Variants in RFX4 observed in about 807,000 individuals in gnomAD.
The protein encoded by RFX4 is transcription factor RFX4.
Under a neutral mutation model 95.0 loss-of-function variants are expected in RFX4, and 10 were observed. The observed-to-expected ratio is 0.11, with a 90% CI of 0.06 to 0.18. The LOEUF is 0.18. RFX4 is among the 10% of genes least tolerant of loss of function. The probability of loss-of-function intolerance (pLI) is 1.00; values close to 1 mark genes in which losing one functional copy is unlikely to be tolerated. For missense variants in RFX4, 640 were observed against 922.0 expected, an observed-to-expected ratio of 0.69 and a Z score of 3.96; for synonymous variants, 321 against 340.7, an observed-to-expected ratio of 0.94 and a Z score of 0.64.
chr12:106,687,196 A>T (rs879538753), intron 6 of RFX4, 99 bp downstream of exon 6: 9,122 of 658,606 alleles, frequency 0.014, 50 homozygotes, highest in African/African-American at 0.041. Context: ...ACACACACAC[A>T]CACACACACA....
chr12:106,589,849 C>G (rs1381575974), intron 1 of RFX4, among the ~76,000 whole-genome samples: 1 of 152,164 alleles, frequency 6.6e-6, no homozygotes, highest in African/African-American at 2.4e-5. Context: ...TAAATGGTGG[C>G]AGCAATGGGA....
chr12:106,616,338 T>C (rs1017230885), intron 2 of RFX4, among the ~76,000 whole-genome samples: 1 of 152,320 alleles, frequency 6.6e-6, no homozygotes, highest in South Asian at 2.1e-4. Context: ...CTTTTTTATA[T>C]ACTTCTGGGT....
chr12:106,710,408 A>C (rs1242508901), intron 9 of RFX4, among the ~76,000 whole-genome samples: 3 of 152,190 alleles, frequency 2.0e-5, no homozygotes, highest in African/African-American at 7.2e-5. Flanking sequence ...AGTTAAAGAA[A>C]AAGTAATTAA....
In RFX4 at chr12:106,701,536, C is replaced by T. The variant is rs187497829; in HGVS notation, c.833+5090C>T. Among the ~76,000 whole-genome samples, 6 of 152,204 alleles carry T rather than the reference C, an allele frequency of 3.9e-5. No individual in the cohort carries two copies. In the East Asian group the frequency reaches 5.8e-4, roughly 15 times the overall value. ...CCATTTGATACTGTCCCACAACTCC[C>T]GGATGCTTGATTTTGCTTTTTCTCT... On this transcript the variant is annotated intron_variant, in intron 8 of 17. Coordinates refer to ENST00000392842, the MANE Select transcript of RFX4 (RefSeq NM_213594.3).
chr12:106,727,699 A>C lies in RFX4; in HGVS notation c.1352-4431A>C, dbSNP rs1013596922. Among the ~76,000 whole-genome samples, 9 of 151,892 alleles carry C rather than the reference A, an allele frequency of 5.9e-5. No homozygotes were observed. The South Asian group carries it at 1.0e-3, about 18-fold the overall frequency. On this transcript the variant is annotated intron_variant, in intron 13 of 17. Coordinates refer to ENST00000392842, the MANE Select transcript of RFX4 (RefSeq NM_213594.3). ...CAATGGCACGACCTCAGCTCACTGC[A>C]ACCTCCGCCTCCTGGGTTCAAACCA...
At chr12:106,664,633 G>A (rs2041138443) in intron 4 of RFX4, among the ~76,000 whole-genome samples, 1 of 151,614 alleles carries the variant, frequency 6.6e-6, no homozygotes, top group African/African-American at 2.4e-5. Context: ...TCCTAAGGTG[G>A]AAACTTAGAT....
intron 1 of RFX4, among the ~76,000 whole-genome samples, chr12:106,589,891 T>A (rs1411884645): frequency 2.0e-5 from 3 of 152,224 alleles, no homozygotes; most frequent in East Asian, 3.8e-4. Flanking sequence ...AGTAGAGATT[T>A]GGGGCACAGA....
At chr12:106,682,514 T>G (rs1313105473) in intron 5 of RFX4, 1 of 157,604 alleles carries the variant, frequency 6.3e-6, no homozygotes, top group Non-Finnish European at 1.4e-5. Flanking sequence ...GTTCACGGCT[T>G]CCCATTCATC....
At chr12:106,641,973 ATATC>A (rs1287241660) in intron 3 of RFX4, among the ~76,000 whole-genome samples, 5 of 108,460 alleles carry the variant, frequency 4.6e-5, no homozygotes, top group African/African-American at 2.0e-4. Context: ...ATATCTATCT[ATATC>A]TATATCTATA....
chr12:106,728,966 C>G (rs866775352), intron 13 of RFX4, among the ~76,000 whole-genome samples: 1 of 152,114 alleles, frequency 6.6e-6, no homozygotes, highest in Non-Finnish European at 1.5e-5. Flanking sequence ...TGATCAGAGG[C>G]ATTAATGAAG....
At chr12:106,750,497 T>A (rs1478984385) in intron 16 of RFX4, among the ~76,000 whole-genome samples, 158 bp from the exon 17 acceptor site, 646 of 70,406 alleles carry the variant, frequency 9.2e-3, no homozygotes, top group African/African-American at 0.011. Context: ...AAAAAACAGA[T>A]GAAAGAAAGA....
intron 8 of RFX4, among the ~76,000 whole-genome samples, chr12:106,700,493 G>A (rs1236311020): frequency 2.1e-4 from 29 of 137,178 alleles, no homozygotes; most frequent in Admixed American, 4.0e-4. Context: ...TGCAAGCTCC[G>A]CCTCCCGGGT....
chr12:106,652,607 C>T lies in RFX4; in HGVS notation c.192-1621C>T, dbSNP rs142491843. 4.5e-3 allele frequency among the ~76,000 whole-genome samples: 685 copies of T among 152,324 alleles called. 4 individuals carry two copies. Among genetic ancestry groups the T allele is most frequent in the African/African-American group, 0.016 (661 of 41,570 alleles). On this transcript the variant is annotated intron_variant, in intron 3 of 17. Coordinates refer to ENST00000392842, the MANE Select transcript of RFX4 (RefSeq NM_213594.3). ...CCAAGTTACTCAATGTTCCCCATCC[C>T]AGAAGCGCGGGAAGTAGATGAGATG...
chr12:106,690,517 G>A (rs78864195), intron 7 of RFX4, among the ~76,000 whole-genome samples: 2,274 of 152,196 alleles, frequency 0.015, 66 homozygotes, highest in African/African-American at 0.052. Flanking sequence ...TTAGCACACT[G>A]GAGGTTTATT....
chr12:106,683,308 G>A (rs2041559818), intron 5 of RFX4: 1 of 150,626 alleles, frequency 6.6e-6, no homozygotes, highest in East Asian at 1.9e-4. Flanking sequence ...TGATCGAACT[G>A]GGAAAAACCC....
intron 2 of RFX4, among the ~76,000 whole-genome samples, chr12:106,626,419 T>C (rs1000731217): frequency 4.0e-5 from 6 of 151,780 alleles, no homozygotes; most frequent in African/African-American, 1.5e-4. Flanking sequence ...GCTTGGAGAG[T>C]TTTCCAGATT....
Position 106,590,792 on chromosome 12 carries a change from A to T in RFX4, c.43+7429A>T, listed in dbSNP as rs151078765. On this transcript the variant is annotated intron_variant, in intron 1 of 17. Transcript: ENST00000392842. The stretch of plus-strand genomic sequence containing the variant: ...ACACTCTTATCTCTACAAGAAATTT[A>T]AAAAATTAGACGGACATGGTGGTGC... Among the ~76,000 whole-genome samples, 158 of 152,198 alleles carry T rather than the reference A, an allele frequency of 1.0e-3. 3 individuals carry two copies. The East Asian group carries it at 0.025, about 24-fold the overall frequency.
intron 13 of RFX4, among the ~76,000 whole-genome samples, chr12:106,725,331 G>A (rs139215000): frequency 3.4e-4 from 52 of 152,096 alleles, no homozygotes; most frequent in African/African-American, 1.2e-3. Context: ...GTTAATGGAC[G>A]GCACATCAAA....
At chr12:106,615,889 T>A (rs12300546) in intron 2 of RFX4, among the ~76,000 whole-genome samples, 4,763 of 152,332 alleles carry the variant, frequency 0.031, 181 homozygotes, top group African/African-American at 0.092. Flanking sequence ...TCTATGAACA[T>A]CATCATGTCA....
Sources: gnomAD v4.1 joint callset for allele counts (sites outside exome capture counted in the v4.1 genomes callset) on GRCh38, gnomAD v4.1.1 for gene constraint, MANE v1.5 for transcripts, NCBI Gene and HGNC (gene_info 2026-07-23, HGNC 2026-07-21) for gene names.